RAD51AP1: variants seen among roughly 807,000 people sequenced by gnomAD.
The protein encoded by RAD51AP1 is RAD51 associated protein 1.
Under a neutral mutation model 34.3 loss-of-function variants are expected in RAD51AP1, and 14 were observed. The observed-to-expected ratio is 0.41, with a 90% CI of 0.27 to 0.64. The LOEUF (loss-of-function observed/expected upper bound fraction) is 0.64. Ranked by LOEUF, RAD51AP1 falls within the 30% of genes least tolerant of loss-of-function variation. The pLI is 0.33. For missense variants in RAD51AP1, 348 were observed against 386.9 expected, an observed-to-expected ratio of 0.90 and a Z score of 0.84; for synonymous variants, 114 against 129.8, an observed-to-expected ratio of 0.88 and a Z score of 0.83.
Position 4,559,994 on chromosome 12 carries a change from T to C in RAD51AP1, c.*1001T>C, listed in dbSNP as rs1316470687. ...TTTTCTTGGTTTATGGAAATATCTA[T>C]ATTAATGTGAAAATAATTAATTTAG... On this transcript the variant is annotated 3_prime_UTR_variant, in exon 9 of 9. Coordinates refer to ENST00000352618, the MANE Select transcript of RAD51AP1 (RefSeq NM_006479.5). 6.6e-6 allele frequency: 1 copy of C among 152,246 alleles called. No homozygotes were observed. The highest frequency in any genetic ancestry group is 6.5e-5 in the Admixed American group (1 of 15,288). 9.4% of individuals were successfully genotyped at this position (152,246 alleles called of 1,614,324 possible). A position where few individuals can be genotyped will look rare whatever the true frequency, so the allele number is the denominator to read the frequency against.
chr12:4,538,925 G>T lies in RAD51AP1; in HGVS notation c.-15G>T, dbSNP rs74061948. ...AGAATTTGAGAACTGTAAATACCAA[G>T]CCTTGAAAGGGACCATGGTGCGGCC... is the stretch of plus-strand genomic sequence containing the variant. On this transcript the variant is annotated 5_prime_UTR_variant, in exon 1 of 9. Coordinates refer to ENST00000352618, the MANE Select transcript of RAD51AP1 (RefSeq NM_006479.5). 8,218 of 1,614,064 alleles carry T rather than the reference G, an allele frequency of 5.1e-3. 360 individuals carry two copies. In the African/African-American group the frequency reaches 0.098, roughly 19 times the overall value.
At chr12:4,555,812 C>G (rs1286483943) in intron 7 of RAD51AP1, among the ~76,000 whole-genome samples, 1 of 152,192 alleles carries the variant, frequency 6.6e-6, no homozygotes, top group Non-Finnish European at 1.5e-5. Flanking sequence ...CTTGGCATAC[C>G]TTTAGAGTCT....
chr12:4,542,661 T>G (rs1345465969), intron 2 of RAD51AP1, among the ~76,000 whole-genome samples: 1 of 151,996 alleles, frequency 6.6e-6, no homozygotes, highest in Non-Finnish European at 1.5e-5. Context: ...CTAAGTTATC[T>G]TATTTTTACA....
At position 4,546,374 on chromosome 12, in the gene RAD51AP1, A is replaced by G. The variant is rs137998180; in HGVS notation, c.275A>G (p.Glu92Gly). Residue 92 changes from glutamate (E) to glycine (G), a missense_variant, in exon 4 of 9, where the codon GAA (glutamate) becomes GGA (glycine). Transcript: ENST00000352618. Reference sequence around the variant, plus strand: ...GTTGCACTAGCTTTATCAGTGAAGGAACTTCCAACAGTCACCACTAATGTG... The same window carrying G: ...GTTGCACTAGCTTTATCAGTGAAGGGACTTCCAACAGTCACCACTAATGTG... Reference protein sequence around the residue: ...LEVALALSVKELPTVTTNVQN... With the variant: ...LEVALALSVKGLPTVTTNVQN... 64 of 1,613,320 alleles carry G rather than the reference A, an allele frequency of 4.0e-5. No homozygotes were observed. The African/African-American group carries it at 8.1e-4, about 20-fold the overall frequency.
intron 2 of RAD51AP1, among the ~76,000 whole-genome samples, chr12:4,543,092 A>T (rs923268617): frequency 6.6e-6 from 1 of 151,710 alleles, no homozygotes; most frequent in Non-Finnish European, 1.5e-5. Flanking sequence ...ACGGAGTCTC[A>T]CTCTTGCACC....
chr12:4,558,296 T>C (rs1217043338), intron 8 of RAD51AP1, among the ~76,000 whole-genome samples: 1 of 152,236 alleles, frequency 6.6e-6, no homozygotes, highest in Non-Finnish European at 1.5e-5. Flanking sequence ...TAATTATTTA[T>C]TTTAAATTTA....
chr12:4,541,423 A>G (rs1439902023), intron 1 of RAD51AP1, among the ~76,000 whole-genome samples: 3 of 152,200 alleles, frequency 2.0e-5, no homozygotes, highest in Non-Finnish European at 2.9e-5. Context: ...CAAGAAATTT[A>G]TAATCTAGTA....
Position 4,541,878 on chromosome 12 carries a change from T to G in RAD51AP1, c.18-6T>G. 1 of 1,484,798 alleles carries G rather than the reference T, an allele frequency of 6.7e-7. No individual in the cohort carries two copies. The highest frequency in any genetic ancestry group is 9.0e-7 in the Non-Finnish European group (1 of 1,108,266). The allele number at this position is 1,484,798 out of a possible 1,614,324, so 92.0% of individuals were successfully genotyped here. A position where few individuals can be genotyped will look rare whatever the true frequency, so the allele number is the denominator to read the frequency against. On this transcript the variant is annotated splice_region_variant and splice_polypyrimidine_tract_variant and intron_variant, in intron 1 of 8. Coordinates refer to ENST00000352618, the MANE Select transcript of RAD51AP1 (RefSeq NM_006479.5). Reference sequence around the variant, plus strand: ...TGTTAATGAAAAAATTCTGTTTTGGTCATAGACATAAGAAACCAGTCAATT... The same window carrying G: ...TGTTAATGAAAAAATTCTGTTTTGGGCATAGACATAAGAAACCAGTCAATT...
At chr12:4,545,102 A>G (rs1429329727) in intron 3 of RAD51AP1, 2 of 353,430 alleles carry the variant, frequency 5.7e-6, no homozygotes, top group Non-Finnish European at 1.1e-5. Context: ...CCCATACATG[A>G]ATGTTCACAG....
chr12:4,555,005 T>G (rs1247129413), intron 7 of RAD51AP1, among the ~76,000 whole-genome samples: 1 of 152,188 alleles, frequency 6.6e-6, no homozygotes, highest in Non-Finnish European at 1.5e-5. Context: ...ACACAAAACA[T>G]TTCTATAATC....
intron 7 of RAD51AP1, among the ~76,000 whole-genome samples, chr12:4,555,340 A>T (rs1944574514): frequency 6.6e-6 from 1 of 152,108 alleles, no homozygotes. Context: ...TTGCCAAAAC[A>T]TATCTAATGT....
At chr12:4,549,676 G>A (rs1028354609) in intron 6 of RAD51AP1, among the ~76,000 whole-genome samples, 7 of 152,172 alleles carry the variant, frequency 4.6e-5, no homozygotes, top group African/African-American at 1.7e-4. Flanking sequence ...GAGCGCCAAT[G>A]TGATGCTTAA....
chr12:4,555,952 A>G (rs1225546541), intron 7 of RAD51AP1, among the ~76,000 whole-genome samples: 1 of 152,180 alleles, frequency 6.6e-6, no homozygotes, highest in East Asian at 1.9e-4. Flanking sequence ...CTGACACATA[A>G]TCTCACTGAC....
At chr12:4,542,065 C>A in intron 2 of RAD51AP1, 132 bp downstream of exon 2, 1 of 443,266 alleles carries the variant, frequency 2.3e-6, no homozygotes, top group Non-Finnish European at 4.0e-6. Context: ...AGATAGTTTT[C>A]TAATCATTTG....
In RAD51AP1 at chr12:4,556,209, A is replaced by G. The variant is rs984413507; in HGVS notation, c.722-144A>G. 28 of 670,000 alleles carry G rather than the reference A, an allele frequency of 4.2e-5. No homozygotes were observed. The East Asian group carries it at 7.2e-4, about 17-fold the overall frequency. 41.5% of individuals were successfully genotyped at this position (670,000 alleles called of 1,614,324 possible). ...ATATTAATGCTCATAAAAGATGGCT[A>G]TTCTTAGGCTCTCAATAAATGTTTG... On this transcript the variant is annotated intron_variant, in intron 7 of 8. Transcript: ENST00000352618.
rs1270831812 is a variant in RAD51AP1, at chr12:4,559,125, C to G, written c.*132C>G. 3 of 1,112,824 alleles carry G rather than the reference C, an allele frequency of 2.7e-6. No homozygotes were observed. The highest frequency in any genetic ancestry group is 1.6e-5 in the South Asian group (1 of 62,224). The allele number at this position is 1,112,824 out of a possible 1,614,324, so 68.9% of individuals were successfully genotyped here. ...CATTACCATGTCCTATAAATGACCT[C>G]TAGCCATTTTATGATTATGTTCTCT... On this transcript the variant is annotated 3_prime_UTR_variant, in exon 9 of 9. Transcript: ENST00000352618.
chr12:4,553,043 C>T lies in RAD51AP1; in HGVS notation c.617C>T (p.Ser206Phe), dbSNP rs1944557372. Residue 206 changes from serine to phenylalanine, a missense_variant, in exon 7 of 9, where the codon TCT (serine) becomes TTT (phenylalanine). By Grantham distance (155) the Ser-to-Phe change is radical. Transcript: ENST00000352618. ...AGTGAGGATAATGACGAAGACTTCT[C>T]TATGAGAAAAAGTAAAGTTAAAGAA... is the stretch of plus-strand genomic sequence containing the variant. Reference protein sequence around the residue: ...CESEDNDEDFSMRKSKVKEIK... With the variant: ...CESEDNDEDFFMRKSKVKEIK... 4 of 1,605,238 alleles carry T rather than the reference C, an allele frequency of 2.5e-6. No individual in the cohort carries two copies. Among genetic ancestry groups the T allele is most frequent in the African/African-American group, 1.3e-5 (1 of 74,378 alleles).
intron 2 of RAD51AP1, 51 bp downstream of exon 2, chr12:4,541,984 C>T (rs373840582): frequency 8.8e-6 from 11 of 1,256,252 alleles, no homozygotes; most frequent in South Asian, 1.8e-5. Context: ...CTCATTTCCT[C>T]GGAATTTATA....
At chr12:4,556,253 T>C (rs1464631725) in intron 7 of RAD51AP1, 100 bp from the exon 8 acceptor site, 27 of 911,478 alleles carry the variant, frequency 3.0e-5, no homozygotes, top group Non-Finnish European at 4.6e-5. Context: ...TAAGTTTATT[T>C]TTTATATGAT....
Sources: allele counts gnomAD v4.1 joint callset (sites outside exome capture counted in the v4.1 genomes callset), GRCh38; gene constraint gnomAD v4.1.1; transcripts MANE v1.5; gene names NCBI Gene and HGNC (gene_info 2026-07-23, HGNC 2026-07-21).